Variants in IPCEF1 observed in about 807,000 individuals in gnomAD.
IPCEF1 encodes the protein interactor protein for cytohesin exchange factors 1.
In IPCEF1, 31 loss-of-function variants were observed where a neutral mutation model predicts 50.9. The observed-to-expected ratio is 0.61, with a 90% CI of 0.46 to 0.82. The LOEUF is 0.82. IPCEF1 is among the 40% of genes least tolerant of loss of function. The pLI, the probability that IPCEF1 is intolerant of heterozygous loss-of-function variation, is 0.00. For synonymous variants in IPCEF1, 181 were observed against 192.0 expected (o/e 0.94, Z 0.47); for missense variants, 458 against 514.0 (o/e 0.89, Z 1.05).
At chr6:154,238,519 G>A (rs1243458707) in intron 5 of IPCEF1, among the ~76,000 whole-genome samples, 2 of 152,102 alleles carry the variant, frequency 1.3e-5, no homozygotes, top group Non-Finnish European at 2.9e-5. Context: ...GCCTGTCTTG[G>A]CCTTCCAAAG....
chr6:154,328,762 T>A (rs1783584890), intron 1 of IPCEF1, among the ~76,000 whole-genome samples: 1 of 152,186 alleles, frequency 6.6e-6, no homozygotes, highest in African/African-American at 2.4e-5. Flanking sequence ...ATGTAAGAGC[T>A]CAGACCAGAT....
At chr6:154,288,667 C>CAAA (rs552235190) in intron 2 of IPCEF1, among the ~76,000 whole-genome samples, 1 of 112,650 alleles carries the variant, frequency 8.9e-6, no homozygotes, top group African/African-American at 3.2e-5. Context: ...GTCTAAAAAA[C>CAAA]AAAAAAAACA....
intron 1 of IPCEF1, among the ~76,000 whole-genome samples, chr6:154,306,129 C>G (rs1380964253): frequency 6.6e-6 from 1 of 152,156 alleles, no homozygotes; most frequent in African/African-American, 2.4e-5. Flanking sequence ...CTTCTCCTGC[C>G]TGCCCACCCC....
At chr6:154,225,472 G>A (rs1043874586) in intron 5 of IPCEF1, among the ~76,000 whole-genome samples, 2 of 152,210 alleles carry the variant, frequency 1.3e-5, no homozygotes, top group Non-Finnish European at 2.9e-5. Flanking sequence ...CTTGTGTTAA[G>A]TGAAAGAAAC....
chr6:154,173,543 G>A (rs892816488), intron 10 of IPCEF1, among the ~76,000 whole-genome samples: 2 of 152,046 alleles, frequency 1.3e-5, no homozygotes, highest in Non-Finnish European at 2.9e-5. Flanking sequence ...TTCAACAGCC[G>A]ATTCAATCAA....
chr6:154,192,091 C>A (rs753072055), intron 10 of IPCEF1, among the ~76,000 whole-genome samples: 1 of 152,190 alleles, frequency 6.6e-6, no homozygotes, highest in Non-Finnish European at 1.5e-5. Context: ...CAAAGGGTTT[C>A]TGCATTATGC....
chr6:154,202,773 A>T (rs1396955003), intron 9 of IPCEF1, among the ~76,000 whole-genome samples: 2 of 152,224 alleles, frequency 1.3e-5, no homozygotes, highest in Non-Finnish European at 2.9e-5. Flanking sequence ...ACTCAAACAC[A>T]GTGCAAATGC....
At chr6:154,253,745 A>T (rs962032892) in intron 3 of IPCEF1, among the ~76,000 whole-genome samples, 1 of 152,220 alleles carries the variant, frequency 6.6e-6, no homozygotes, top group East Asian at 1.9e-4. Context: ...CCTGCAATAT[A>T]TAAAATTTAG....
At chr6:154,247,039 A>G (rs1318358416) in intron 4 of IPCEF1, 1 of 427,520 alleles carries the variant, frequency 2.3e-6, no homozygotes, top group Non-Finnish European at 4.2e-6. Context: ...CAGGAGTAAT[A>G]TGCAAGTATT....
At chr6:154,338,859 T>C (rs1385603659) in intron 1 of IPCEF1, among the ~76,000 whole-genome samples, 1 of 151,794 alleles carries the variant, frequency 6.6e-6, no homozygotes. Context: ...GAGGTGGAGG[T>C]TGCAGTGAGC....
rs371112293 is a variant in IPCEF1, at chr6:154,228,729, ACT to A, written c.247-5488_247-5487del. On this transcript the variant is annotated intron_variant, in intron 5 of 11. Transcript: ENST00000367220. The stretch of plus-strand genomic sequence containing the variant: ...TCTAGAGTATTTGTCTCCTTTAAAC[ACT>A]CTGCTCTTGGCCAGATGTGGTGGCT... 1.3e-3 allele frequency among the ~76,000 whole-genome samples: 194 copies of A among 152,020 alleles called. 1 individual carries two copies. Among genetic ancestry groups the A allele is most frequent in the African/African-American group, 4.2e-3 (174 of 41,468 alleles).
chr6:154,332,616 G>C (rs1206301521), intron 1 of IPCEF1, among the ~76,000 whole-genome samples: 3 of 152,188 alleles, frequency 2.0e-5, no homozygotes, highest in Admixed American at 6.5e-5. Flanking sequence ...ATTTTATACA[G>C]GTTCTGCTTG....
At chr6:154,181,950 T>C (rs544901532) in intron 10 of IPCEF1, among the ~76,000 whole-genome samples, 1 of 152,300 alleles carries the variant, frequency 6.6e-6, no homozygotes, top group South Asian at 2.1e-4. Flanking sequence ...AACGTCAAGT[T>C]GGGAGAACAC....
intron 1 of IPCEF1, among the ~76,000 whole-genome samples, chr6:154,353,728 C>T (rs926032428): frequency 1.7e-4 from 26 of 152,226 alleles, no homozygotes; most frequent in Admixed American, 1.6e-3. Context: ...GCCCACTACT[C>T]ATATATTAAC....
intron 10 of IPCEF1, among the ~76,000 whole-genome samples, chr6:154,197,552 C>T (rs912237962): frequency 2.0e-5 from 3 of 152,234 alleles, no homozygotes; most frequent in Non-Finnish European, 4.4e-5. Context: ...AAGAAGTATA[C>T]AGATTTTGCT....
rs559733083 is a variant in IPCEF1 at position 154,235,374 on chromosome 6, T to C, written c.246+11217A>G. Reference sequence around the variant, plus strand: ...GGCGAAAACCCGTCTCTACTAAAAATACAAAAAATTAGCTGGGTGTGGTGG... The same window carrying C: ...GGCGAAAACCCGTCTCTACTAAAAACACAAAAAATTAGCTGGGTGTGGTGG... On this transcript the variant is annotated intron_variant, in intron 5 of 11. Transcript: ENST00000367220. 5.5e-4 allele frequency among the ~76,000 whole-genome samples: 83 copies of C among 151,696 alleles called. 1 individual carries two copies. Among genetic ancestry groups the C allele is most frequent in the Non-Finnish European group, 7.4e-4 (50 of 67,914 alleles).
At chr6:154,212,743 C>A in intron 9 of IPCEF1, 27 bp downstream of exon 9, 1 of 1,484,254 alleles carries the variant, frequency 6.7e-7, no homozygotes, top group Non-Finnish European at 9.4e-7. Flanking sequence ...GATCGATGAC[C>A]AACAGACTAC....
At chr6:154,162,100 G>T (rs984052850) in intron 11 of IPCEF1, among the ~76,000 whole-genome samples, 1 of 152,138 alleles carries the variant, frequency 6.6e-6, no homozygotes, top group African/African-American at 2.4e-5. Context: ...GCTGCCTTCT[G>T]CCCTGTTCAC....
chr6:154,277,860 C>CA (rs1554301055), intron 2 of IPCEF1, among the ~76,000 whole-genome samples: 4 of 151,352 alleles, frequency 2.6e-5, no homozygotes, highest in Non-Finnish European at 2.9e-5. Context: ...TAAAGCCAGA[C>CA]TTTTTTTTTC....
Sources: allele counts gnomAD v4.1 joint callset (sites outside exome capture counted in the v4.1 genomes callset), GRCh38; gene constraint gnomAD v4.1.1; transcripts MANE v1.5; gene names NCBI Gene and HGNC (gene_info 2026-07-23, HGNC 2026-07-21).